CDH20: variants seen among roughly 807,000 people sequenced by gnomAD.
CDH20 encodes the protein cadherin 20.
A neutral mutation model predicts 74.2 loss-of-function variants in CDH20; 29 were observed. The ratio of observed to expected loss-of-function variants is 0.39; its 90% CI spans 0.29 to 0.53. The LOEUF (loss-of-function observed/expected upper bound fraction) is 0.53. Ranked by LOEUF, CDH20 falls within the 20% of genes least tolerant of loss-of-function variation. The pLI, the probability that CDH20 is intolerant of heterozygous loss-of-function variation, is 0.69. For synonymous variants in CDH20, 469 were observed against 405.4 expected (o/e 1.16, Z -1.88); for missense variants, 988 against 1,048.3 (o/e 0.94, Z 0.79).
intron 6 of CDH20, among the ~76,000 whole-genome samples, chr18:61,527,364 C>CAGA (rs1425826976): frequency 2.5e-4 from 7 of 28,276 alleles, no homozygotes; most frequent in Admixed American, 6.3e-4. Context: ...CATGAATATT[C>CAGA]TAATAGATAG....
At chr18:61,503,620 C>T (rs1308791969) in intron 5 of CDH20, among the ~76,000 whole-genome samples, 4 of 152,238 alleles carry the variant, frequency 2.6e-5, no homozygotes, top group Admixed American at 6.5e-5. Context: ...CCAGTAGGTA[C>T]CAAGCACTTG....
intron 1 of CDH20, among the ~76,000 whole-genome samples, chr18:61,371,421 A>G (rs1029278115): frequency 6.6e-6 from 1 of 152,060 alleles, no homozygotes. Context: ...GTTGTTATCC[A>G]TGTATTGAAA....
At chr18:61,355,258 CT>C (rs532028969) in intron 1 of CDH20, among the ~76,000 whole-genome samples, 3 of 152,054 alleles carry the variant, frequency 2.0e-5, no homozygotes, top group Admixed American at 6.5e-5. Flanking sequence ...ACCAATGTAG[CT>C]TTTTTTTCTT....
chr18:61,347,645 A>T (rs1055971850), intron 1 of CDH20, among the ~76,000 whole-genome samples: 3 of 152,130 alleles, frequency 2.0e-5, no homozygotes, highest in Admixed American at 6.6e-5. Flanking sequence ...ATTGTTTCAA[A>T]TTCTATGCAC....
intron 1 of CDH20, among the ~76,000 whole-genome samples, chr18:61,424,169 A>T (rs1176863515): frequency 1.3e-5 from 2 of 152,234 alleles, no homozygotes; most frequent in African/African-American, 4.8e-5. Flanking sequence ...ATTGAACCAG[A>T]GCAATTATGA....
intron 2 of CDH20, among the ~76,000 whole-genome samples, chr18:61,493,696 T>C (rs1394671108): frequency 6.6e-6 from 1 of 152,382 alleles, no homozygotes; most frequent in East Asian, 1.9e-4. Flanking sequence ...CAGACAATTC[T>C]ATCATGAACA....
intron 9 of CDH20, among the ~76,000 whole-genome samples, chr18:61,543,174 C>T (rs1339308871): frequency 6.6e-6 from 1 of 152,182 alleles, no homozygotes; most frequent in Non-Finnish European, 1.5e-5. Context: ...CCTACCACCA[C>T]CCCCAGTTAT....
chr18:61,479,214 G>C (rs936319138), intron 1 of CDH20, among the ~76,000 whole-genome samples: 55 of 151,060 alleles, frequency 3.6e-4, no homozygotes, highest in Non-Finnish European at 2.1e-4. Flanking sequence ...ATTTGCATGG[G>C]CCAAAAAAAA....
Position 61,380,531 on chromosome 18 carries a change from C to T in CDH20, c.-153+46704C>T, listed in dbSNP as rs190325698. On this transcript the variant is annotated intron_variant, in intron 1 of 11. Transcript: ENST00000262717. Reference sequence around the variant, plus strand: ...TTGTTGTAAAAATTATCAAGACAACCGGGCACAGTGGCTCATGCCAGTAAT... The same window carrying T: ...TTGTTGTAAAAATTATCAAGACAACTGGGCACAGTGGCTCATGCCAGTAAT... Among the ~76,000 whole-genome samples the T allele has an allele frequency of 1.5e-3, 230 of 152,300 alleles. 2 individuals are homozygous for T. Among genetic ancestry groups the T allele is most frequent in the Non-Finnish European group, 1.8e-4 (12 of 68,028 alleles).
chr18:61,482,809 G>C (rs997611429), intron 1 of CDH20, among the ~76,000 whole-genome samples: 1 of 151,944 alleles, frequency 6.6e-6, no homozygotes, highest in African/African-American at 2.4e-5. Flanking sequence ...ACATTACTTT[G>C]GCATGTTCAA....
At chr18:61,395,860 C>G (rs1599056934) in intron 1 of CDH20, among the ~76,000 whole-genome samples, 1 of 152,168 alleles carries the variant, frequency 6.6e-6, no homozygotes, top group Non-Finnish European at 1.5e-5. Flanking sequence ...TGGTGAAACC[C>G]TGTCTCTACT....
chr18:61,416,817 G>C (rs759930180), intron 1 of CDH20, among the ~76,000 whole-genome samples: 1 of 152,174 alleles, frequency 6.6e-6, no homozygotes, highest in Non-Finnish European at 1.5e-5. Flanking sequence ...GCAAATAATG[G>C]ATACTGGATG....
intron 1 of CDH20, among the ~76,000 whole-genome samples, chr18:61,403,489 G>A (rs1246621920): frequency 6.6e-6 from 1 of 152,186 alleles, no homozygotes; most frequent in Admixed American, 6.5e-5. Flanking sequence ...GTCTTAACCA[G>A]CCTTCTATGT....
At chr18:61,339,367 A>ACG (rs1389574065) in intron 1 of CDH20, among the ~76,000 whole-genome samples, 1 of 146,520 alleles carries the variant, frequency 6.8e-6, no homozygotes, top group Non-Finnish European at 1.5e-5. Flanking sequence ...TATTACACAC[A>ACG]CACACACACA....
At chr18:61,549,486 G>C (rs1280949278) in intron 10 of CDH20, among the ~76,000 whole-genome samples, 1 of 152,208 alleles carries the variant, frequency 6.6e-6, no homozygotes, top group African/African-American at 2.4e-5. Flanking sequence ...AAAGAAAATA[G>C]TAAAAGACGT....
intron 2 of CDH20, among the ~76,000 whole-genome samples, 172 bp from the exon 3 acceptor site, chr18:61,499,014 C>T (rs1454910797): frequency 6.6e-6 from 1 of 152,154 alleles, no homozygotes; most frequent in Non-Finnish European, 1.5e-5. Flanking sequence ...ACACCCACTC[C>T]TTGATACAAT....
chr18:61,390,677 G>A (rs951263929), intron 1 of CDH20, among the ~76,000 whole-genome samples: 4 of 152,112 alleles, frequency 2.6e-5, no homozygotes, highest in South Asian at 2.1e-4. Context: ...GAGCTCAAAT[G>A]TATTTGGGGA....
intron 1 of CDH20, among the ~76,000 whole-genome samples, chr18:61,391,426 A>G (rs1031557075): frequency 1.7e-4 from 26 of 152,210 alleles, no homozygotes; most frequent in African/African-American, 6.3e-4. Flanking sequence ...ATCCATTAAG[A>G]GAACAATCAG....
chr18:61,429,926 T>C (rs1299378121), intron 1 of CDH20, among the ~76,000 whole-genome samples: 1 of 152,204 alleles, frequency 6.6e-6, no homozygotes, highest in Non-Finnish European at 1.5e-5. Context: ...GTAAGCATCC[T>C]GACACTTTGG....
Sources: gnomAD v4.1 joint callset for allele counts (sites outside exome capture counted in the v4.1 genomes callset) on GRCh38, gnomAD v4.1.1 for gene constraint, MANE v1.5 for transcripts, NCBI Gene and HGNC (gene_info 2026-07-23, HGNC 2026-07-21) for gene names.